CCDC148: variants seen among roughly 807,000 people sequenced by gnomAD.
CCDC148 encodes the protein coiled-coil domain containing 148.
Under a neutral mutation model 85.7 loss-of-function variants are expected in CCDC148, and 89 were observed. The observed-to-expected ratio is 1.04, with a 90% CI of 0.87 to 1.24. The LOEUF (loss-of-function observed/expected upper bound fraction) is 1.24. Among genes scored for constraint, CCDC148 ranks in the 50% most tolerant of loss-of-function variants. The probability of loss-of-function intolerance (pLI) is 0.00; values close to 1 mark genes in which losing one functional copy is unlikely to be tolerated. For synonymous variants in CCDC148, 230 were observed against 213.9 expected, an observed-to-expected ratio of 1.08 and a Z score of -0.66; for missense variants, 692 against 671.7, an observed-to-expected ratio of 1.03 and a Z score of -0.33.
intron 2 of CCDC148, among the ~76,000 whole-genome samples, chr2:158,349,677 T>A (rs73968926): frequency 0.17 from 25,776 of 151,960 alleles, 3,491 homozygotes; most frequent in African/African-American, 0.38. Context: ...ACTTGCCACC[T>A]CTAAATTAAA....
intron 11 of CCDC148, among the ~76,000 whole-genome samples, chr2:158,195,384 T>G (rs2105276977): frequency 6.6e-6 from 1 of 152,264 alleles, no homozygotes; most frequent in South Asian, 2.1e-4. Flanking sequence ...TACACTAAAC[T>G]TATGAATGCT....
At chr2:158,365,209 G>C (rs1279455862) in intron 1 of CCDC148, among the ~76,000 whole-genome samples, 3 of 152,180 alleles carry the variant, frequency 2.0e-5, no homozygotes, top group Non-Finnish European at 4.4e-5. Context: ...CTGTTGGTGG[G>C]AGTGTAAATT....
chr2:158,234,483 G>A (rs959731168), intron 10 of CCDC148, among the ~76,000 whole-genome samples: 2 of 151,846 alleles, frequency 1.3e-5, no homozygotes, highest in African/African-American at 4.8e-5. Flanking sequence ...TTTTTCTGAA[G>A]AATAAATTTT....
chr2:158,352,748 A>G (rs2105259210), intron 2 of CCDC148, among the ~76,000 whole-genome samples: 1 of 151,754 alleles, frequency 6.6e-6, no homozygotes, highest in South Asian at 2.1e-4. Flanking sequence ...ATTCCTCGAG[A>G]AGAGCAACTC....
At chr2:158,346,482 A>G (rs1201549575) in intron 2 of CCDC148, among the ~76,000 whole-genome samples, 1 of 151,982 alleles carries the variant, frequency 6.6e-6, no homozygotes, top group Admixed American at 6.6e-5. Context: ...GTACTTGTCA[A>G]TCTCCGTATT....
Position 158,361,417 on chromosome 2 carries a change from G to GT in CCDC148, c.26-2848dup, listed in dbSNP as rs758365699. On this transcript the variant is annotated intron_variant, in intron 1 of 13. Transcript: ENST00000283233. The stretch of plus-strand genomic sequence containing the variant: ...AATGAAGGAAAAAATGTTAAGGGCA[G>GT]TCAGAGAGAAAGGTTGGTTACCCAC... 3.9e-5 allele frequency among the ~76,000 whole-genome samples: 6 copies of GT among 152,174 alleles called. 1 individual carries two copies. Among genetic ancestry groups the GT allele is most frequent in the Non-Finnish European group, 5.9e-5 (4 of 68,042 alleles).
At chr2:158,419,850 A>T (rs1686686206) in intron 1 of CCDC148, 1 of 152,170 alleles carries the variant, frequency 6.6e-6, no homozygotes, top group South Asian at 2.1e-4. Context: ...TTTTGAAAGT[A>T]GGTCTTTCCC....
intron 9 of CCDC148, among the ~76,000 whole-genome samples, chr2:158,262,011 TG>T (rs1689246282): frequency 6.6e-6 from 1 of 152,070 alleles, no homozygotes; most frequent in Non-Finnish European, 1.5e-5. Flanking sequence ...ATCCCATTAC[TG>T]GGTATATAGA....
intron 1 of CCDC148, among the ~76,000 whole-genome samples, chr2:158,418,962 T>A (rs1219228085): frequency 1.3e-5 from 2 of 152,122 alleles, no homozygotes; most frequent in East Asian, 3.9e-4. Flanking sequence ...CCCCATTCCA[T>A]TTTTTAGGGT....
intron 1 of CCDC148, among the ~76,000 whole-genome samples, chr2:158,427,501 C>G (rs1687129504): frequency 6.6e-6 from 1 of 152,002 alleles, no homozygotes. Context: ...AGGAGTTAAC[C>G]TGGAGCAGAG....
chr2:158,425,023 C>T, intron 1 of CCDC148: 5 of 419,816 alleles, frequency 1.2e-5, no homozygotes, highest in Non-Finnish European at 1.9e-5. Context: ...AGAACAGGTG[C>T]TGCAACCAGT....
rs542334635 is a variant in CCDC148, at chr2:158,227,636, C to T, written c.1252-6923G>A. Among the ~76,000 whole-genome samples the T allele has an allele frequency of 3.6e-3, 555 of 152,138 alleles. 3 individuals carry two copies. The highest frequency in any genetic ancestry group is 0.013 in the African/African-American group (528 of 41,472). ...ATAGATCAGTGGAACAGAACAGAGC[C>T]CTCAGAAATAATGCCGCATATCTAC... On this transcript the variant is annotated intron_variant, in intron 10 of 13. Transcript: ENST00000283233.
chr2:158,429,030 A>G (rs2105330408), intron 1 of CCDC148, among the ~76,000 whole-genome samples: 1 of 152,094 alleles, frequency 6.6e-6, no homozygotes, highest in South Asian at 2.1e-4. Context: ...GCAAACTATC[A>G]CAAGGACGGG....
At chr2:158,273,743 G>A (rs1314235961) in intron 9 of CCDC148, among the ~76,000 whole-genome samples, 1 of 152,064 alleles carries the variant, frequency 6.6e-6, no homozygotes, top group African/African-American at 2.4e-5. Flanking sequence ...CATTCACTGT[G>A]CCATCCCTCC....
chr2:158,406,975 A>C (rs71421074), intron 1 of CCDC148, among the ~76,000 whole-genome samples: 9,700 of 152,104 alleles, frequency 0.064, 429 homozygotes, highest in Non-Finnish European at 0.095. Flanking sequence ...TGTATAGATT[A>C]ATACAAGTGT....
intron 7 of CCDC148, among the ~76,000 whole-genome samples, chr2:158,333,867 C>T (rs1220871964): frequency 6.6e-6 from 1 of 152,096 alleles, no homozygotes; most frequent in Non-Finnish European, 1.5e-5. Flanking sequence ...TATCAGTCCT[C>T]CAACTTTGCT....
chr2:158,231,024 C>T (rs902944499), intron 10 of CCDC148, among the ~76,000 whole-genome samples: 1 of 152,160 alleles, frequency 6.6e-6, no homozygotes, highest in East Asian at 1.9e-4. Flanking sequence ...GAACACATAA[C>T]ACTTGACAAG....
At chr2:158,250,735 T>C (rs1688754255) in intron 10 of CCDC148, 37 bp downstream of exon 10, 4 of 1,507,014 alleles carry the variant, frequency 2.7e-6, no homozygotes, top group African/African-American at 1.4e-5. Context: ...CCATTAAGCA[T>C]TCATTCACAC....
chr2:158,398,729 G>T (rs147644911), intron 1 of CCDC148, among the ~76,000 whole-genome samples: 11,329 of 152,110 alleles, frequency 0.074, 568 homozygotes, highest in Middle Eastern at 0.11. Flanking sequence ...AGAAGCAAGA[G>T]CAAACACATT....
Sources: allele counts gnomAD v4.1 joint callset (sites outside exome capture counted in the v4.1 genomes callset), GRCh38; gene constraint gnomAD v4.1.1; transcripts MANE v1.5; gene names NCBI Gene and HGNC (gene_info 2026-07-23, HGNC 2026-07-21).